The following DGKB variants were observed in gnomAD, a reference collection of about 807,000 sequenced individuals.
The protein encoded by DGKB is 90 kDa diacylglycerol kinase.
A neutral mutation model predicts 114.3 loss-of-function variants in DGKB; 67 were observed. The ratio of observed to expected loss-of-function variants is 0.59; its 90% CI spans 0.48 to 0.72. The LOEUF (loss-of-function observed/expected upper bound fraction) is 0.72, where lower values mean the gene tolerates loss of function less well. Ranked by LOEUF, DGKB falls within the 30% of genes least tolerant of loss-of-function variation. The pLI, the probability that DGKB is intolerant of heterozygous loss-of-function variation, is 0.00. For missense variants in DGKB, 907 were observed against 975.2 expected (o/e 0.93, Z 0.93); for synonymous variants, 398 against 323.1 (o/e 1.23, Z -2.49).
chr7:14,364,037 G>A (rs1193674166), intron 21 of DGKB, among the ~76,000 whole-genome samples: 3 of 151,916 alleles, frequency 2.0e-5, no homozygotes, highest in Non-Finnish European at 4.4e-5. Flanking sequence ...AGGTCAGCTC[G>A]GTACTGTGTG....
intron 14 of DGKB, among the ~76,000 whole-genome samples, chr7:14,624,118 A>T (rs546369048): frequency 6.6e-5 from 10 of 152,270 alleles, no homozygotes; most frequent in African/African-American, 2.4e-4. Context: ...GTGTGTGTGT[A>T]TGAAAAAACA....
chr7:14,716,497 T>C (rs1006876290), intron 6 of DGKB, among the ~76,000 whole-genome samples: 1 of 152,224 alleles, frequency 6.6e-6, no homozygotes, highest in Non-Finnish European at 1.5e-5. Context: ...CTTATTTTCA[T>C]TCTTCTGGTC....
At chr7:14,964,086 C>G (rs571262779) in intron 1 of DGKB, among the ~76,000 whole-genome samples, 1 of 151,870 alleles carries the variant, frequency 6.6e-6, no homozygotes, top group African/African-American at 2.4e-5. Context: ...GAGGTGATGC[C>G]CAGTGAACAT....
chr7:14,582,680 T>C (rs1800126726), intron 18 of DGKB, among the ~76,000 whole-genome samples: 1 of 152,054 alleles, frequency 6.6e-6, no homozygotes. Flanking sequence ...GTTTTGAGGG[T>C]CCATGTTTTA....
chr7:14,794,544 C>G (rs1014242080), intron 2 of DGKB, among the ~76,000 whole-genome samples: 1 of 152,128 alleles, frequency 6.6e-6, no homozygotes, highest in Non-Finnish European at 1.5e-5. Context: ...GAATTCCCAG[C>G]TCAAGTGCTG....
intron 1 of DGKB, among the ~76,000 whole-genome samples, chr7:14,967,524 T>C (rs7811074): frequency 0.13 from 19,537 of 151,588 alleles, 1,361 homozygotes; most frequent in Admixed American, 0.19. Context: ...TTTCACCATG[T>C]TGGCCAGGCT....
At position 14,547,851 on chromosome 7, in the gene DGKB, A is replaced by T. The variant is rs1028999232; in HGVS notation, c.1770+26361T>A. ...AATAAAAATTCTGTTAAAATCATTC[A>T]TGTCAGACAGAGGCTTCATCTACAT... On this transcript the variant is annotated intron_variant, in intron 20 of 25. Coordinates refer to ENST00000402815, the MANE Select transcript of DGKB (RefSeq NM_001350709.2). Among the ~76,000 whole-genome samples, 6 of 152,188 alleles carry T rather than the reference A, an allele frequency of 3.9e-5. 1 individual carries two copies. Among genetic ancestry groups the T allele is most frequent in the Admixed American group, 3.3e-4 (5 of 15,278 alleles).
chr7:14,589,856 C>T (rs1801392034), intron 17 of DGKB, among the ~76,000 whole-genome samples: 1 of 152,038 alleles, frequency 6.6e-6, no homozygotes, highest in Admixed American at 6.6e-5. Flanking sequence ...TTTTCTTCCT[C>T]ATACCACTTT....
intron 1 of DGKB, among the ~76,000 whole-genome samples, chr7:14,845,034 G>A (rs1482931533): frequency 6.7e-6 from 1 of 150,228 alleles, no homozygotes; most frequent in Non-Finnish European, 1.5e-5. Flanking sequence ...ATGGGCCCAG[G>A]AGGTAGAGGT....
chr7:14,901,779 A>G (rs187587568), intron 1 of DGKB, among the ~76,000 whole-genome samples: 185 of 152,224 alleles, frequency 1.2e-3, no homozygotes, highest in African/African-American at 4.4e-3. Flanking sequence ...TTTACAATGG[A>G]CTGGTCCTTG....
intron 20 of DGKB, among the ~76,000 whole-genome samples, chr7:14,555,727 T>C (rs1447583600): frequency 2.6e-5 from 4 of 152,106 alleles, no homozygotes; most frequent in Non-Finnish European, 5.9e-5. Flanking sequence ...GATAAACAGG[T>C]TGTAGTAAAG....
At chr7:14,459,266 G>A (rs1832738888) in intron 21 of DGKB, among the ~76,000 whole-genome samples, 1 of 152,172 alleles carries the variant, frequency 6.6e-6, no homozygotes, top group African/African-American at 2.4e-5. Context: ...AGGGGTAGCT[G>A]TGGGTGCAGC....
chr7:14,209,291 CT>C (rs1787356441), intron 23 of DGKB: 1 of 285,900 alleles, frequency 3.5e-6, no homozygotes, highest in Non-Finnish European at 6.9e-6. Flanking sequence ...CCATCTCCCC[CT>C]AAACCAAAAT....
chr7:14,337,197 A>T (rs1372263547), intron 23 of DGKB, among the ~76,000 whole-genome samples: 1 of 152,082 alleles, frequency 6.6e-6, no homozygotes, highest in Non-Finnish European at 1.5e-5. Flanking sequence ...ATATAAATTA[A>T]TTTCAATAAC....
chr7:14,351,331 G>C (rs1021248732), intron 21 of DGKB, among the ~76,000 whole-genome samples: 1 of 152,232 alleles, frequency 6.6e-6, no homozygotes, highest in African/African-American at 2.4e-5. Flanking sequence ...ACCAGTGAAT[G>C]AGGAGCGTCT....
chr7:14,591,944 G>C (rs1381179392), intron 17 of DGKB, among the ~76,000 whole-genome samples: 1 of 151,760 alleles, frequency 6.6e-6, no homozygotes, highest in Admixed American at 6.6e-5. Flanking sequence ...CCAGAATCTT[G>C]GAAAGTGTCA....
rs538344462 is a variant in DGKB, at chr7:14,241,040, T to C, written c.2123-62889A>G. On this transcript the variant is annotated intron_variant, in intron 23 of 25. Transcript: ENST00000402815. ...TAAATGCCAGCTAGAGGTTGGAAAC[T>C]CAAGCATCATTAAGAAATGGTCTGA... Among the ~76,000 whole-genome samples the C allele has an allele frequency of 1.6e-4, 24 of 152,216 alleles. No homozygotes were observed. In the South Asian group the frequency reaches 1.7e-3, roughly 11 times the overall value.
intron 6 of DGKB, among the ~76,000 whole-genome samples, chr7:14,710,281 T>C (rs1214761991): frequency 6.6e-6 from 1 of 152,130 alleles, no homozygotes; most frequent in African/African-American, 2.4e-5. Context: ...ATTTGATAAA[T>C]GGTAAAATTT....
At chr7:14,822,613 G>A (rs1845097606) in intron 2 of DGKB, among the ~76,000 whole-genome samples, 1 of 152,076 alleles carries the variant, frequency 6.6e-6, no homozygotes, top group Admixed American at 6.6e-5. Context: ...AGATATGTTT[G>A]GTCAAGCTGT....
Sources: gnomAD v4.1 joint callset for allele counts (sites outside exome capture counted in the v4.1 genomes callset) on GRCh38, gnomAD v4.1.1 for gene constraint, MANE v1.5 for transcripts, NCBI Gene and HGNC (gene_info 2026-07-23, HGNC 2026-07-21) for gene names.